ANO10: variants seen among roughly 807,000 people sequenced by gnomAD.
The protein encoded by ANO10 is anoctamin-10.
ANO10 carries 77 observed loss-of-function variants against 74.7 expected under a neutral mutation model. The ratio of observed to expected loss-of-function variants is 1.03; its 90% CI spans 0.86 to 1.25. The LOEUF (loss-of-function observed/expected upper bound fraction) is 1.25, where lower values mean the gene tolerates loss of function less well. Ranked by LOEUF, ANO10 falls within the 50% of genes most tolerant of loss-of-function variation. The probability of loss-of-function intolerance (pLI) is 0.00; values close to 1 mark genes in which losing one functional copy is unlikely to be tolerated. For missense variants in ANO10, 721 were observed against 778.1 expected (o/e 0.93, Z 0.87); for synonymous variants, 279 against 284.9 (o/e 0.98, Z 0.21).
At chr3:43,581,982 C>T (rs1372234117) in intron 4 of ANO10, among the ~76,000 whole-genome samples, 1 of 151,452 alleles carries the variant, frequency 6.6e-6, no homozygotes, top group Non-Finnish European at 1.5e-5. Flanking sequence ...GGATGCTTTG[C>T]TGTTTTCATC....
At chr3:43,407,808 G>A (rs2092602509) in intron 12 of ANO10, among the ~76,000 whole-genome samples, 1 of 152,218 alleles carries the variant, frequency 6.6e-6, no homozygotes, top group African/African-American at 2.4e-5. Context: ...AAGAGAATGT[G>A]CAAAGGCAAA....
chr3:43,672,355 C>T (rs1027800812), intron 1 of ANO10, among the ~76,000 whole-genome samples: 1 of 152,028 alleles, frequency 6.6e-6, no homozygotes, highest in Non-Finnish European at 1.5e-5. Flanking sequence ...GAGACTCCGT[C>T]TCAACAAAAA....
At chr3:43,501,928 T>C (rs1489118492) in intron 11 of ANO10, among the ~76,000 whole-genome samples, 2 of 152,164 alleles carry the variant, frequency 1.3e-5, no homozygotes, top group African/African-American at 4.8e-5. Flanking sequence ...TCAACGATGG[T>C]CTCCGTTTGG....
In ANO10 at chr3:43,555,399, G is replaced by C; in HGVS notation, c.1547C>G (p.Pro516Arg). The change falls in exon 10 of 13, where the codon CCA becomes CGA. Residue 516 changes from proline (P) to arginine (R), a missense_variant. By Grantham distance (103) the Pro-to-Arg change is moderately radical. Transcript: ENST00000292246. ...GYVSLFSCVY[P>R]LAAAFAVLNN... ...TAACACAGCAAAGGCAGCTGCTAAT[G>C]GGTAAACACAGGAGAAAAGGCTCAC... The C allele has an allele frequency of 6.2e-7, 1 of 1,614,114 alleles. No individual in the cohort carries two copies. Among genetic ancestry groups the C allele is most frequent in the Non-Finnish European group, 8.5e-7 (1 of 1,180,004 alleles).
intron 2 of ANO10, among the ~76,000 whole-genome samples, chr3:43,601,849 G>C (rs75219404): frequency 6.5e-4 from 99 of 151,980 alleles, no homozygotes; most frequent in African/African-American, 2.3e-3. Flanking sequence ...CGTGGTAGCC[G>C]TGAAGGTACC....
rs2091421217 is a variant in ANO10, at chr3:43,366,676, G to C, written c.*230C>G. 1.7e-6 allele frequency: 1 copy of C among 597,530 alleles called. No homozygotes were observed. Among genetic ancestry groups the C allele is most frequent in the Non-Finnish European group, 3.0e-6 (1 of 333,972 alleles). 37.0% of individuals were successfully genotyped at this position (597,530 alleles called of 1,614,324 possible). On this transcript the variant is annotated 3_prime_UTR_variant, in exon 13 of 13. Transcript: ENST00000292246. ...GGAGCAGCGTGTGGGGCCCGGGAAG[G>C]AACTGGGAAGGAGCAGACAGGGTGG...
intron 9 of ANO10, among the ~76,000 whole-genome samples, chr3:43,557,690 G>A (rs1175532254): frequency 1.5e-5 from 2 of 135,328 alleles, no homozygotes; most frequent in Non-Finnish European, 3.0e-5. Flanking sequence ...AGCCAAGATC[G>A]CACCACTGCA....
intron 1 of ANO10, among the ~76,000 whole-genome samples, chr3:43,669,973 C>G (rs955399351): frequency 2.0e-5 from 3 of 152,118 alleles, no homozygotes; most frequent in African/African-American, 7.2e-5. Flanking sequence ...ATCCACCCGC[C>G]TAGGCCTCCC....
rs186756229 is a variant in ANO10, at chr3:43,422,910, A to G, written c.1914+9701T>C. On this transcript the variant is annotated intron_variant, in intron 12 of 12. Transcript: ENST00000292246. ...GTGCACTTTAAAGAAATTTTTCTCT[A>G]GTGAAAACATAAAATACAGGAGGAA... Among the ~76,000 whole-genome samples, 190 of 152,334 alleles carry G rather than the reference A, an allele frequency of 1.2e-3. 7 individuals carry two copies. In the East Asian group the frequency reaches 0.033, roughly 27 times the overall value.
intron 10 of ANO10, among the ~76,000 whole-genome samples, chr3:43,553,569 C>A (rs1182307034): frequency 6.8e-6 from 1 of 148,128 alleles, no homozygotes; most frequent in African/African-American, 2.5e-5. Context: ...TGGAGTCCCA[C>A]ACTGTTGCTC....
chr3:43,537,870 C>T (rs1421796202), intron 11 of ANO10, among the ~76,000 whole-genome samples: 3 of 152,056 alleles, frequency 2.0e-5, no homozygotes, highest in Admixed American at 6.5e-5. Flanking sequence ...CACAAACCAC[C>T]GTCACATAGT....
chr3:43,668,389 G>C (rs892211592), intron 1 of ANO10, among the ~76,000 whole-genome samples: 3 of 151,788 alleles, frequency 2.0e-5, no homozygotes, highest in Admixed American at 2.0e-4. Flanking sequence ...TGTTTGTTCT[G>C]CTGATTATTT....
intron 11 of ANO10, among the ~76,000 whole-genome samples, chr3:43,470,900 T>A (rs1022850553): frequency 2.0e-5 from 3 of 152,146 alleles, no homozygotes; most frequent in Admixed American, 1.3e-4. Flanking sequence ...GTGCTGGGAT[T>A]ACAGGTGTGC....
At chr3:43,520,444 C>T (rs2077900984) in intron 11 of ANO10, among the ~76,000 whole-genome samples, 1 of 152,166 alleles carries the variant, frequency 6.6e-6, no homozygotes, top group Non-Finnish European at 1.5e-5. Context: ...TAGAAACAGA[C>T]CACAGCATGG....
At chr3:43,578,421 C>T (rs1025360650) in intron 5 of ANO10, among the ~76,000 whole-genome samples, 2 of 152,148 alleles carry the variant, frequency 1.3e-5, no homozygotes, top group African/African-American at 4.8e-5. Flanking sequence ...CTAGCCTTCA[C>T]CATCGACTCA....
intron 11 of ANO10, among the ~76,000 whole-genome samples, chr3:43,504,665 CAG>C (rs1241936627): frequency 4.0e-5 from 6 of 151,716 alleles, no homozygotes; most frequent in African/African-American, 7.3e-5. Context: ...TTTTTTGAGA[CAG>C]AGTCTCACTC....
At chr3:43,596,473 T>C (rs544343124) in intron 4 of ANO10, among the ~76,000 whole-genome samples, 7 of 152,146 alleles carry the variant, frequency 4.6e-5, no homozygotes, top group South Asian at 2.1e-4. Context: ...CCTACAACCA[T>C]CTGACCTTTG....
intron 4 of ANO10, among the ~76,000 whole-genome samples, chr3:43,583,921 T>C (rs1471486761): frequency 6.6e-6 from 1 of 152,228 alleles, no homozygotes; most frequent in Non-Finnish European, 1.5e-5. Flanking sequence ...AATCAAAACA[T>C]GATAATCATC....
intron 11 of ANO10, among the ~76,000 whole-genome samples, chr3:43,471,221 TTAAC>T (rs1384710628): frequency 6.6e-6 from 1 of 152,146 alleles, no homozygotes; most frequent in African/African-American, 2.4e-5. Context: ...AACCCCAGTT[TTAAC>T]TAACAGAAAA....
Sources: gnomAD v4.1 joint callset for allele counts (sites outside exome capture counted in the v4.1 genomes callset) on GRCh38, gnomAD v4.1.1 for gene constraint, MANE v1.5 for transcripts, NCBI Gene and HGNC (gene_info 2026-07-23, HGNC 2026-07-21) for gene names.